Variants in PPFIA1 observed in about 807,000 individuals in gnomAD.
PPFIA1 encodes the protein liprin-alpha-1.
Under a neutral mutation model 149.9 loss-of-function variants are expected in PPFIA1, and 25 were observed. The observed-to-expected ratio is 0.17, with a 90% confidence interval of 0.12 to 0.23. The LOEUF is 0.23. Among genes scored for constraint, PPFIA1 ranks in the 10% least tolerant of loss-of-function variants. The pLI is 1.00. For synonymous variants in PPFIA1, 549 were observed against 552.8 expected, an observed-to-expected ratio of 0.99 and a Z score of 0.10; for missense variants, 1,362 against 1,506.5, an observed-to-expected ratio of 0.90 and a Z score of 1.59.
chr11:70,302,929 T>C (rs1003693005), intron 2 of PPFIA1, among the ~76,000 whole-genome samples: 4 of 152,130 alleles, frequency 2.6e-5, no homozygotes, highest in African/African-American at 9.7e-5. Flanking sequence ...ATAAGGCGTC[T>C]TTCAGTTACA....
intron 14 of PPFIA1, 76 bp from the exon 15 acceptor site, chr11:70,343,592 TA>T: frequency 7.4e-7 from 1 of 1,351,288 alleles, no homozygotes; most frequent in Non-Finnish European, 1.0e-6. Flanking sequence ...AAAGAATTCC[TA>T]AATTTCCGAT....
intron 2 of PPFIA1, among the ~76,000 whole-genome samples, chr11:70,311,836 C>CTTTT (rs140584652): frequency 7.1e-5 from 5 of 70,096 alleles, no homozygotes; most frequent in African/African-American, 1.8e-4. Context: ...AGTGAGTCAG[C>CTTTT]TTTTTTTTTT....
At chr11:70,313,882 G>C (rs1565381357) in intron 2 of PPFIA1, among the ~76,000 whole-genome samples, 1 of 152,156 alleles carries the variant, frequency 6.6e-6, no homozygotes. Context: ...GCTGGGCATG[G>C]TGGCGCATGC....
chr11:70,293,416 A>G (rs905394434), intron 2 of PPFIA1, among the ~76,000 whole-genome samples: 2 of 152,220 alleles, frequency 1.3e-5, no homozygotes, highest in Non-Finnish European at 2.9e-5. Context: ...AAATTTGCTA[A>G]CCTGCAATTT....
intron 2 of PPFIA1, among the ~76,000 whole-genome samples, chr11:70,287,890 TCCTAC>T: frequency 6.6e-6 from 1 of 151,838 alleles, no homozygotes; most frequent in African/African-American, 2.4e-5. Flanking sequence ...CAAGTGATCC[TCCTAC>T]TTGGCCTCCC....
In PPFIA1 at chr11:70,335,780, A is replaced by G. The variant is rs1001069729; in HGVS notation, c.1428+86A>G. The G allele has an allele frequency of 6.1e-6, 9 of 1,475,538 alleles. No individual in the cohort carries two copies. In the African/African-American group the frequency reaches 7.1e-5, roughly 12 times the overall value. 91.4% of individuals were successfully genotyped at this position (1,475,538 alleles called of 1,614,324 possible). On this transcript the variant is annotated intron_variant, in intron 11 of 27. Coordinates refer to ENST00000253925, the MANE Select transcript of PPFIA1 (RefSeq NM_003626.5). ...CTGCCCCTGAGCAGGCGTGTGTAACAGTGGTTAGCAGCTGTTACCGAAAAT... is the reference window on the plus strand; with the variant it reads ...CTGCCCCTGAGCAGGCGTGTGTAACGGTGGTTAGCAGCTGTTACCGAAAAT...
intron 2 of PPFIA1, among the ~76,000 whole-genome samples, chr11:70,285,934 GA>G (rs1254966654): frequency 6.6e-6 from 1 of 152,094 alleles, no homozygotes; most frequent in Non-Finnish European, 1.5e-5. Context: ...AAGAGAAATG[GA>G]AAAAACCAAA....
intron 21 of PPFIA1, 30 bp from the exon 22 acceptor site, chr11:70,372,185 T>C: frequency 6.3e-7 from 1 of 1,581,514 alleles, no homozygotes; most frequent in African/African-American, 1.4e-5. Context: ...ACTTCCTCTG[T>C]AACTGACCTT....
intron 11 of PPFIA1, 119 bp downstream of exon 11, chr11:70,335,813 A>G: frequency 8.2e-7 from 1 of 1,223,754 alleles, no homozygotes; most frequent in Non-Finnish European, 1.2e-6. Context: ...AATGGGAATT[A>G]TTCTTTAAAG....
In PPFIA1 at chr11:70,343,776, T is replaced by C. The variant is rs371670771; in HGVS notation, c.1815T>C (p.Asp605=). The C allele has an allele frequency of 1.2e-6, 2 of 1,614,070 alleles. No homozygotes were observed. The highest frequency in any genetic ancestry group is 2.7e-5 in the African/African-American group (2 of 74,920). Residue 605 remains aspartate (D), a synonymous_variant, in exon 15 of 28, where the codon GAT becomes GAC. Transcript: ENST00000253925. Reference sequence around the variant, plus strand: ...ATGCTGACGTGTCTGATGGTGAAGATGACAGGGACACTCTCCTCAGCTCAG... The same window carrying C: ...ATGCTGACGTGTCTGATGGTGAAGACGACAGGGACACTCTCCTCAGCTCAG... The part of the protein sequence containing the change: ...ESDADVSDGE[D]DRDTLLSSVD...
Position 70,272,187 on chromosome 11 carries a change from G to A in PPFIA1, c.15G>A (p.Val5=), listed in dbSNP as rs752284452. 35 of 1,613,626 alleles carry A rather than the reference G, an allele frequency of 2.2e-5. No individual in the cohort carries two copies. Among genetic ancestry groups the A allele is most frequent in the Middle Eastern group, 3.6e-4 (2 of 5,616 alleles). Residue 5 remains valine, a synonymous_variant, in exon 2 of 28, where the codon GTG becomes GTA. Coordinates refer to ENST00000253925, the MANE Select transcript of PPFIA1 (RefSeq NM_003626.5). MMCE[V]MPTISEAEGP... ...TTCATTTCAAGATGATGTGCGAGGT[G>A]ATGCCGACCATCAGCGAAGCAGAAG... is the stretch of plus-strand genomic sequence containing the variant.
rs57213147 is a variant in PPFIA1 at position 70,286,984 on chromosome 11, TACAC to T, written c.264+14568_264+14571del. ...ATATACATATACACATATATGCACATACACACACACACACACACACACATACATA... is the reference window on the plus strand; with the variant it reads ...ATATACATATACACATATATGCACATACACACACACACACACACATACATA... On this transcript the variant is annotated intron_variant, in intron 2 of 27. Transcript: ENST00000253925. 6.1e-3 allele frequency among the ~76,000 whole-genome samples: 897 copies of T among 148,012 alleles called. 3 individuals carry two copies. Among genetic ancestry groups the T allele is most frequent in the African/African-American group, 0.014 (553 of 40,372 alleles).
In PPFIA1 at chr11:70,279,722, G is replaced by GGTGTGTGT. The variant is rs71046599; in HGVS notation, c.264+7319_264+7326dup. Among the ~76,000 whole-genome samples the GGTGTGTGT allele has an allele frequency of 2.4e-3, 322 of 135,386 alleles. 5 individuals are homozygous for GGTGTGTGT. Among genetic ancestry groups the GGTGTGTGT allele is most frequent in the African/African-American group, 8.0e-3 (280 of 34,896 alleles). The allele number at this position is 135,386 out of a possible 152,430, so 88.8% of individuals were successfully genotyped here. On this transcript the variant is annotated intron_variant, in intron 2 of 27. Transcript: ENST00000253925. ...TAGACCTTTTCTGTGTATGTGTCTA[G>GGTGTGTGT]GTGTGTGTGTGTGTGTGTGTGTGTG... is the stretch of plus-strand genomic sequence containing the variant.
intron 2 of PPFIA1, among the ~76,000 whole-genome samples, chr11:70,303,988 A>G (rs1342042374): frequency 1.3e-5 from 2 of 152,062 alleles, no homozygotes; most frequent in African/African-American, 4.8e-5. Context: ...CCTGGGAGAT[A>G]GCGAGACTTC....
chr11:70,338,588 G>C lies in PPFIA1; in HGVS notation c.1571+135G>C, dbSNP rs1317961280. On this transcript the variant is annotated intron_variant, in intron 13 of 27. Coordinates refer to ENST00000253925, the MANE Select transcript of PPFIA1 (RefSeq NM_003626.5). ...CTGTAGCTTAGTAGGAAGCGAGAGA[G>C]AAAAGTAACTCAAAGGTTAGAGCTT... 3 of 660,910 alleles carry C rather than the reference G, an allele frequency of 4.5e-6. No homozygotes were observed. In the East Asian group the frequency reaches 8.1e-5, roughly 18 times the overall value. The allele number at this position is 660,910 out of a possible 1,614,324, so 40.9% of individuals were successfully genotyped here.
intron 19 of PPFIA1, among the ~76,000 whole-genome samples, chr11:70,359,386 C>T (rs2056521030): frequency 6.6e-6 from 1 of 152,216 alleles, no homozygotes; most frequent in Non-Finnish European, 1.5e-5. Flanking sequence ...CTACATCTTT[C>T]CTCAGGACTC....
chr11:70,355,111 G>T (rs576391829), intron 17 of PPFIA1, among the ~76,000 whole-genome samples: 2 of 152,194 alleles, frequency 1.3e-5, no homozygotes, highest in East Asian at 3.9e-4. Context: ...CACCATGCTG[G>T]CCAGGCTGGT....
intron 2 of PPFIA1, among the ~76,000 whole-genome samples, chr11:70,274,154 C>T (rs1299789754): frequency 6.6e-6 from 1 of 152,200 alleles, no homozygotes; most frequent in Non-Finnish European, 1.5e-5. Context: ...TTGTTTTGGA[C>T]CCTTCCCTTT....
rs780108791 is a variant in PPFIA1 at position 70,343,678 on chromosome 11, C to G, written c.1717C>G (p.Leu573Val). The G allele has an allele frequency of 1.4e-5, 22 of 1,614,152 alleles. No homozygotes were observed. In the South Asian group the frequency reaches 2.3e-4, roughly 17 times the overall value. ...LRDEPSKVQT[L>V]NEQDWERAQQ... ...GTTTTCTTGTTTATAGGTACAAACT[C>G]TTAATGAGCAGGATTGGGAACGTGC... is the stretch of plus-strand genomic sequence containing the variant. The change falls in exon 15 of 28, where the codon CTT becomes GTT. Residue 573 changes from leucine (L) to valine (V), a missense_variant. Transcript: ENST00000253925.
Sources: gnomAD v4.1 joint callset for allele counts (sites outside exome capture counted in the v4.1 genomes callset) on GRCh38, gnomAD v4.1.1 for gene constraint, MANE v1.5 for transcripts, NCBI Gene and HGNC (gene_info 2026-07-23, HGNC 2026-07-21) for gene names.